Variants in ABCA8 observed in about 807,000 individuals in gnomAD.
ABCA8 encodes the protein ABC-type organic anion transporter ABCA8.
In ABCA8, 177 loss-of-function variants were observed where a neutral mutation model predicts 192.3. The observed-to-expected ratio is 0.92, with a 90% confidence interval of 0.81 to 1.04. The LOEUF (loss-of-function observed/expected upper bound fraction) is 1.04. Ranked by LOEUF, ABCA8 falls within the 50% of genes least tolerant of loss-of-function variation. The pLI is 0.00. For synonymous variants in ABCA8, 642 were observed against 690.2 expected, an observed-to-expected ratio of 0.93 and a Z score of 1.09; for missense variants, 1,915 against 1,904.8, an observed-to-expected ratio of 1.01 and a Z score of -0.10.
chr17:68,880,858 G>C, intron 32 of ABCA8: 1 of 476,472 alleles, frequency 2.1e-6, no homozygotes, highest in Non-Finnish European at 3.8e-6. Flanking sequence ...AGCCCAGCGG[G>C]TCTGAGCCAA....
chr17:68,935,872 T>C (rs2068053215), intron 5 of ABCA8, among the ~76,000 whole-genome samples: 1 of 152,172 alleles, frequency 6.6e-6, no homozygotes, highest in Non-Finnish European at 1.5e-5. Flanking sequence ...TTAGACTTTT[T>C]ACTAATAGCC....
At chr17:68,927,859 G>T in intron 10 of ABCA8, 57 bp downstream of exon 10, 1 of 1,307,556 alleles carries the variant, frequency 7.6e-7, no homozygotes, top group Non-Finnish European at 1.0e-6. Context: ...TAGGAGATTT[G>T]TTTTCAGAAA....
At chr17:68,896,853 T>G (rs2066775433) in intron 21 of ABCA8, among the ~76,000 whole-genome samples, 1 of 152,214 alleles carries the variant, frequency 6.6e-6, no homozygotes. Context: ...AAATCTCTTC[T>G]GTAAATTGTG....
At chr17:68,897,440 G>T (rs1408391779) in intron 21 of ABCA8, among the ~76,000 whole-genome samples, 1 of 152,128 alleles carries the variant, frequency 6.6e-6, no homozygotes. Flanking sequence ...CCAAAATTAT[G>T]AGACATGCTA....
chr17:68,887,074 G>A lies in ABCA8; in HGVS notation c.3372C>T (p.Ser1124=). 6.2e-7 allele frequency: 1 copy of A among 1,612,918 alleles called. No individual in the cohort carries two copies. The highest frequency in any genetic ancestry group is 8.5e-7 in the Non-Finnish European group (1 of 1,179,530). ...FSLIFMTYVI[S]FIFRKGRKNS... is the part of the protein sequence containing the mutation. ...TTTTTCTCCCCTTGCGAAAGATGAA[G>A]GAAATCACGTATGTCATGAAGATGA... The change falls in exon 26 of 40, where the codon TCC becomes TCT. Residue 1124 remains serine, a synonymous_variant. Transcript: ENST00000586539.
At position 68,918,092 on chromosome 17, in the gene ABCA8, T is replaced by A; in HGVS notation, c.2002A>T (p.Ile668Phe). 6.2e-7 allele frequency: 1 copy of A among 1,614,182 alleles called. No homozygotes were observed. The highest frequency in any genetic ancestry group is 8.5e-7 in the Non-Finnish European group (1 of 1,180,022). The change falls in exon 16 of 40, where the codon ATC (isoleucine) becomes TTC (phenylalanine). Residue 668 changes from isoleucine to phenylalanine, a missense_variant. By Grantham distance (21) the Ile-to-Phe change is conservative (BLOSUM62 0). Transcript: ENST00000586539. ...LLKERKTDRV[I>F]LFSTQFMDEA... ...TCCATGAACTGGGTACTGAAGAGGA[T>A]CACGCGGTCTGTTTTGCGTTCTTTC...
At chr17:68,917,096 C>T (rs960082785) in intron 17 of ABCA8, among the ~76,000 whole-genome samples, 6 of 152,014 alleles carry the variant, frequency 3.9e-5, no homozygotes, top group Admixed American at 1.3e-4. Context: ...GGTGAAACCC[C>T]GACTCTACCA....
rs760515394 is a variant in ABCA8, at chr17:68,936,978, C to T, written c.439G>A (p.Ala147Thr). The T allele has an allele frequency of 9.4e-6, 15 of 1,601,962 alleles. No individual in the cohort carries two copies. In the East Asian group the frequency reaches 3.4e-4, roughly 36 times the overall value. The change falls in exon 5 of 40, where the codon GCA becomes ACA. Residue 147 changes from alanine (A) to threonine (T), a missense_variant. Coordinates refer to ENST00000586539, the MANE Select transcript of ABCA8 (RefSeq NM_001288985.2). ...GTATGGTCCTTGTGCTCCTTCTTTG[C>T]TGGCATTCCATGTCCTAGCAAGAAC... ...LKFLLGHGMPAKKEHKDHTAH... is the reference protein window; with the variant it reads ...LKFLLGHGMPTKKEHKDHTAH...
At position 68,950,936 on chromosome 17, in the gene ABCA8, C is replaced by A. The variant is rs150462330; in HGVS notation, c.-166-1464G>T. Among the ~76,000 whole-genome samples the A allele has an allele frequency of 4.6e-5, 7 of 152,224 alleles. No individual in the cohort carries two copies. The East Asian group carries it at 1.2e-3, about 25-fold the overall frequency. Reference sequence around the variant, plus strand: ...GGTGTGATGTCGCACCAGTTCTGAACCTCAGCCTCCCGAGACCTTGAGTGT... The same window carrying A: ...GGTGTGATGTCGCACCAGTTCTGAAACTCAGCCTCCCGAGACCTTGAGTGT... On this transcript the variant is annotated intron_variant, in intron 1 of 39. Coordinates refer to ENST00000586539, the MANE Select transcript of ABCA8 (RefSeq NM_001288985.2).
At chr17:68,953,160 A>C (rs1351109081) in intron 1 of ABCA8, among the ~76,000 whole-genome samples, 1 of 152,168 alleles carries the variant, frequency 6.6e-6, no homozygotes, top group Non-Finnish European at 1.5e-5. Flanking sequence ...AAGTAAAGAG[A>C]TTCTGGAAGG....
intron 32 of ABCA8, 37 bp from the exon 33 acceptor site, chr17:68,877,716 G>C: frequency 1.3e-6 from 2 of 1,568,786 alleles, no homozygotes; most frequent in Non-Finnish European, 1.7e-6. Context: ...CCTACCTTCT[G>C]CACTGCTTCT....
intron 31 of ABCA8, 84 bp downstream of exon 31, chr17:68,881,779 G>T (rs1000674199): frequency 2.2e-6 from 2 of 889,792 alleles, no homozygotes; most frequent in African/African-American, 3.3e-5. Flanking sequence ...GAACCAAGAG[G>T]TGGTTTCCAG....
chr17:68,891,437 C>T lies in ABCA8; in HGVS notation c.3144+52G>A, dbSNP rs1401895038. 1.5e-5 allele frequency: 19 copies of T among 1,277,910 alleles called. No individual in the cohort carries two copies. In the Admixed American group the frequency reaches 2.3e-4, roughly 16 times the overall value. 79.2% of individuals were successfully genotyped at this position (1,277,910 alleles called of 1,614,324 possible). A position where few individuals can be genotyped will look rare whatever the true frequency, so the allele number is the denominator to read the frequency against. On this transcript the variant is annotated intron_variant, in intron 24 of 39. Coordinates refer to ENST00000586539, the MANE Select transcript of ABCA8 (RefSeq NM_001288985.2). ...TTCTTATGAAAAATTGTAAAATTAC[C>T]TTCTGCTTTCAATTATGCAAAATAA...
Position 68,894,271 on chromosome 17 carries a change from T to G in ABCA8, c.2938A>C (p.Asn980His), listed in dbSNP as rs1419092356. 6.2e-7 allele frequency: 1 copy of G among 1,611,876 alleles called. No individual in the cohort carries two copies. Among genetic ancestry groups the G allele is most frequent in the East Asian group, 2.2e-5 (1 of 44,764 alleles). ...FSLACNAKRL[N>H]CFPVLMDIVS... ...ATGTCCATAAGAACTGGGAAGCAAT[T>G]CAATCTTTTGGCATTGCATGCTAAC... Residue 980 changes from asparagine (N) to histidine (H), a missense_variant, in exon 23 of 40, where the codon AAT becomes CAT. Transcript: ENST00000586539.
intron 37 of ABCA8, among the ~76,000 whole-genome samples, chr17:68,874,199 A>G (rs537174480): frequency 1.3e-5 from 2 of 152,274 alleles, no homozygotes; most frequent in South Asian, 2.1e-4. Flanking sequence ...TTGATCTTCA[A>G]CTTCATCCTT....
intron 1 of ABCA8, among the ~76,000 whole-genome samples, chr17:68,950,852 G>A (rs1312031679): frequency 1.3e-5 from 2 of 152,148 alleles, no homozygotes; most frequent in African/African-American, 4.8e-5. Context: ...CCTTTGTCTG[G>A]TAATTTTGGA....
intron 22 of ABCA8, 50 bp downstream of exon 22, chr17:68,894,830 T>A (rs1414519220): frequency 1.9e-6 from 3 of 1,557,454 alleles, no homozygotes; most frequent in Non-Finnish European, 2.6e-6. Flanking sequence ...TATATTGATA[T>A]TATGTTAGCT....
intron 23 of ABCA8, among the ~76,000 whole-genome samples, chr17:68,893,612 C>CTTCTTTCCTTCCTTCATTCT (rs2066667878): frequency 6.9e-6 from 1 of 145,710 alleles, no homozygotes; most frequent in Non-Finnish European, 1.5e-5. Context: ...TCGTTCATTC[C>CTTCTTTCCTTCCTTCATTCT]TTCCTTCCTT....
intron 18 of ABCA8, 107 bp from the exon 19 acceptor site, chr17:68,906,270 G>T: frequency 1.3e-6 from 1 of 773,968 alleles, no homozygotes; most frequent in Non-Finnish European, 1.8e-6. Flanking sequence ...CTTGTGATAT[G>T]TCAAAAACAT....
Sources: gnomAD v4.1 joint callset for allele counts (sites outside exome capture counted in the v4.1 genomes callset) on GRCh38, gnomAD v4.1.1 for gene constraint, MANE v1.5 for transcripts, NCBI Gene and HGNC (gene_info 2026-07-23, HGNC 2026-07-21) for gene names.